Variants in SRGAP1 observed in about 807,000 individuals in gnomAD.
SRGAP1 encodes SLIT-ROBO Rho GTPase activating protein 1.
SRGAP1 carries 43 observed loss-of-function variants against 121.9 expected under a neutral mutation model. The ratio of observed to expected loss-of-function variants is 0.35; its 90% CI spans 0.28 to 0.46. SRGAP1 has a LOEUF of 0.46. Ranked by LOEUF, SRGAP1 falls within the 20% of genes least tolerant of loss-of-function variation. The probability of loss-of-function intolerance (pLI) is 1.00; values close to 1 mark genes in which losing one functional copy is unlikely to be tolerated. For synonymous variants in SRGAP1, 447 were observed against 485.4 expected (o/e 0.92, Z 1.04); for missense variants, 1,102 against 1,350.9 (o/e 0.82, Z 2.89).
chr12:64,058,696 A>C (rs190538730), intron 6 of SRGAP1, among the ~76,000 whole-genome samples: 293 of 152,256 alleles, frequency 1.9e-3, no homozygotes, highest in African/African-American at 6.7e-3. Context: ...CTCTTTGTGC[A>C]GAGGCTGGCT....
intron 3 of SRGAP1, among the ~76,000 whole-genome samples, chr12:64,004,566 T>A (rs184724140): frequency 5.3e-4 from 81 of 152,232 alleles, no homozygotes; most frequent in African/African-American, 1.9e-3. Context: ...GAGACAGGGT[T>A]TCACCATGTT....
chr12:64,075,097 T>C (rs1273680546), intron 8 of SRGAP1, among the ~76,000 whole-genome samples: 2 of 152,146 alleles, frequency 1.3e-5, no homozygotes, highest in African/African-American at 4.8e-5. Flanking sequence ...AGGTGTGAAG[T>C]AGGAAATCAG....
At chr12:64,103,874 G>T (rs1285733124) in intron 15 of SRGAP1, among the ~76,000 whole-genome samples, 1 of 152,094 alleles carries the variant, frequency 6.6e-6, no homozygotes, top group African/African-American at 2.4e-5. Flanking sequence ...ATATACAAAG[G>T]TTTGATTAAC....
Position 64,097,361 on chromosome 12 carries a change from T to G in SRGAP1, c.1799T>G (p.Leu600Arg). The G allele has an allele frequency of 6.2e-7, 1 of 1,608,554 alleles. No homozygotes were observed. The highest frequency in any genetic ancestry group is 8.5e-7 in the Non-Finnish European group (1 of 1,178,764). The change falls in exon 15 of 22, where the codon CTG becomes CGG. Residue 600 changes from leucine (L) to arginine (R), a missense_variant. By Grantham distance (102) the Leu-to-Arg change is moderately radical (BLOSUM62 -2). Transcript: ENST00000355086. ...TTTCCTAAGGAAAGATTTAACGATC[T>G]GATTTCTTGTATCAGTAAGTGGACA... ...PLFPKERFND[L>R]ISCIRIDNLY...
At chr12:64,092,844 C>T (rs200225560) in intron 12 of SRGAP1, among the ~76,000 whole-genome samples, 22 of 152,112 alleles carry the variant, frequency 1.4e-4, no homozygotes, top group Non-Finnish European at 2.8e-4. Context: ...TAATACAGTA[C>T]GAGAATGGCT....
intron 18 of SRGAP1, among the ~76,000 whole-genome samples, chr12:64,118,458 T>G (rs1001864683): frequency 6.6e-6 from 1 of 152,052 alleles, no homozygotes; most frequent in Non-Finnish European, 1.5e-5. Context: ...GATGGGCTTT[T>G]GCCGTGTTCC....
intron 4 of SRGAP1, among the ~76,000 whole-genome samples, chr12:64,018,090 T>G (rs7308431): frequency 0.36 from 55,106 of 151,886 alleles, 11,156 homozygotes; most frequent in Non-Finnish European, 0.48. Context: ...ACAAGATTAT[T>G]TTGTTTGTTG....
At position 64,142,332 on chromosome 12, in the gene SRGAP1, T is replaced by A; in HGVS notation, c.2918T>A (p.Leu973His). 6.2e-7 allele frequency: 1 copy of A among 1,614,060 alleles called. No homozygotes were observed. Residue 973 changes from leucine (L) to histidine (H), a missense_variant, in exon 22 of 22, where the codon CTC (leucine) becomes CAC (histidine). Around this residue, in one of 3 missense-constraint regions of SRGAP1, gnomAD observed 315 missense variants for 343.1 expected, o/e 0.92. Coordinates refer to ENST00000355086, the MANE Select transcript of SRGAP1 (RefSeq NM_020762.4). ...EETMNTALNE[L>H]RELERQSTAK... ...ACGATGAACACAGCTTTGAATGAAC[T>A]CCGAGAACTGGAGAGACAGAGCACA... is the stretch of plus-strand genomic sequence containing the variant.
Position 64,154,124 on chromosome 12 carries a change from T to C in SRGAP1, c.*11452T>C, listed in dbSNP as rs1450744069. On this transcript the variant is annotated 3_prime_UTR_variant, in exon 22 of 22. Transcript: ENST00000355086. Reference sequence around the variant, plus strand: ...TTATAAACAGAAAGCAGAATGGTGATTGCCAGGGATCGGGATGAGGAAGAA... The same window carrying C: ...TTATAAACAGAAAGCAGAATGGTGACTGCCAGGGATCGGGATGAGGAAGAA... 1 of 152,160 alleles carries C rather than the reference T, an allele frequency of 6.6e-6. No homozygotes were observed. Among genetic ancestry groups the C allele is most frequent in the Non-Finnish European group, 1.5e-5 (1 of 68,034 alleles). 9.4% of individuals were successfully genotyped at this position (152,160 alleles called of 1,614,324 possible).
In SRGAP1 at chr12:64,064,990, A is replaced by T; in HGVS notation, c.1024-128A>T. ...CAAGTGAAGTTTTGATGTGCCTATT[A>T]AAAGTAAATATGTAATTGGAACCTT... On this transcript the variant is annotated intron_variant, in intron 7 of 21. Coordinates refer to ENST00000355086, the MANE Select transcript of SRGAP1 (RefSeq NM_020762.4). 4.7e-6 allele frequency: 3 copies of T among 633,464 alleles called. No individual in the cohort carries two copies. The Admixed American group carries it at 1.0e-4, about 22-fold the overall frequency. The allele number at this position is 633,464 out of a possible 1,614,324, so 39.2% of individuals were successfully genotyped here.
chr12:63,996,210 C>T (rs1231182860), intron 3 of SRGAP1, among the ~76,000 whole-genome samples: 1 of 151,776 alleles, frequency 6.6e-6, no homozygotes, highest in Non-Finnish European at 1.5e-5. Context: ...ATTTTAGGCT[C>T]TATCTTTTCA....
intron 2 of SRGAP1, among the ~76,000 whole-genome samples, chr12:63,989,360 A>C (rs929663137): frequency 6.6e-6 from 1 of 152,194 alleles, no homozygotes; most frequent in Non-Finnish European, 1.5e-5. Flanking sequence ...GAGACAATGC[A>C]ATAAAGTTCT....
chr12:63,906,942 C>T (rs1473668000), intron 1 of SRGAP1, among the ~76,000 whole-genome samples: 1 of 151,632 alleles, frequency 6.6e-6, no homozygotes, highest in Non-Finnish European at 1.5e-5. Context: ...GTGGTGTGAC[C>T]ACAACTCTGT....
chr12:63,845,984 A>C (rs1362692824), intron 1 of SRGAP1, among the ~76,000 whole-genome samples: 1 of 152,206 alleles, frequency 6.6e-6, no homozygotes, highest in Non-Finnish European at 1.5e-5. Flanking sequence ...AGTTGTAAAA[A>C]TGCCTGGAGT....
chr12:63,889,284 A>T (rs1432767967), intron 1 of SRGAP1, among the ~76,000 whole-genome samples: 1 of 152,138 alleles, frequency 6.6e-6, no homozygotes, highest in African/African-American at 2.4e-5. Context: ...GCTGTCCCTG[A>T]AGGTTCACAC....
intron 1 of SRGAP1, among the ~76,000 whole-genome samples, chr12:63,878,297 A>G (rs1900089698): frequency 1.3e-5 from 2 of 152,170 alleles, no homozygotes; most frequent in South Asian, 2.1e-4. Flanking sequence ...CAACTTCTCT[A>G]TTGTACCATT....
chr12:64,035,052 A>AG (rs987086256), intron 4 of SRGAP1, among the ~76,000 whole-genome samples: 2 of 144,820 alleles, frequency 1.4e-5, no homozygotes, highest in African/African-American at 5.0e-5. Context: ...CAAGAAAAAA[A>AG]AAAAAAAAAG....
intron 1 of SRGAP1, among the ~76,000 whole-genome samples, chr12:63,936,136 C>A (rs1478083002): frequency 6.6e-6 from 1 of 151,884 alleles, no homozygotes; most frequent in Non-Finnish European, 1.5e-5. Flanking sequence ...AGAGACTGCC[C>A]AACAGTGTGC....
chr12:63,989,174 TGA>T (rs1247367086), intron 2 of SRGAP1, among the ~76,000 whole-genome samples: 2 of 152,250 alleles, frequency 1.3e-5, no homozygotes, highest in African/African-American at 4.8e-5. Flanking sequence ...CTGTTTTTGT[TGA>T]GTTATTCTTT....
Sources: allele counts gnomAD v4.1 joint callset (sites outside exome capture counted in the v4.1 genomes callset), GRCh38; gene constraint gnomAD v4.1.1; regional missense constraint gnomAD v4.1.1; transcripts MANE v1.5; gene names NCBI Gene and HGNC (gene_info 2026-07-23, HGNC 2026-07-21).